Variants in DEUP1 observed in about 807,000 individuals in gnomAD.
DEUP1 encodes the protein coiled-coil domain containing 67.
DEUP1 carries 82 observed loss-of-function variants against 87.4 expected under a neutral mutation model. That is an observed-to-expected ratio of 0.94 (90% CI 0.78 to 1.13). The LOEUF is 1.13. Among genes scored for constraint, DEUP1 ranks in the 50% most tolerant of loss-of-function variants. The pLI, the probability that DEUP1 is intolerant of heterozygous loss-of-function variation, is 0.00. For synonymous variants in DEUP1, 214 were observed against 222.7 expected, an observed-to-expected ratio of 0.96 and a Z score of 0.35; for missense variants, 663 against 681.5, an observed-to-expected ratio of 0.97 and a Z score of 0.30.
At position 93,385,494 on chromosome 11, in the gene DEUP1, GAA is replaced by G. The variant is rs763021209; in HGVS notation, c.887_888del (p.Glu296ValfsTer14). 6.2e-7 allele frequency: 1 copy of G among 1,610,646 alleles called. No individual in the cohort carries two copies. Among genetic ancestry groups the G allele is most frequent in the African/African-American group, 1.3e-5 (1 of 74,872 alleles). On this transcript the variant is annotated frameshift_variant, in exon 8 of 14. Coordinates refer to ENST00000298050, the MANE Select transcript of DEUP1 (RefSeq NM_181645.4). LOFTEE classifies it high-confidence loss of function. ...IEMERLQLHRELLKIGECQNA... is the reference protein window; with the variant it reads ...IEMERLQLHRXLLKIGECQNA... ...AATGGAACGATTGCAATTACACAGAGAATTATTAAAAATAGGAGAGTGCCAAA... is the reference window on the plus strand; with the variant it reads ...AATGGAACGATTGCAATTACACAGAGTTATTAAAAATAGGAGAGTGCCAAA...
At chr11:93,381,872 T>TA (rs1406140395) in intron 7 of DEUP1, among the ~76,000 whole-genome samples, 1 of 152,162 alleles carries the variant, frequency 6.6e-6, no homozygotes, top group Non-Finnish European at 1.5e-5. Flanking sequence ...ATTATCATTC[T>TA]AAAATGTAAT....
chr11:93,420,027 C>T (rs184397291), intron 13 of DEUP1, among the ~76,000 whole-genome samples: 24 of 152,030 alleles, frequency 1.6e-4, no homozygotes, highest in Non-Finnish European at 3.5e-4. Context: ...CCATTCCAAT[C>T]AATAGAAAAA....
At chr11:93,429,206 A>G (rs1214621014) in intron 13 of DEUP1, among the ~76,000 whole-genome samples, 1 of 152,180 alleles carries the variant, frequency 6.6e-6, no homozygotes, top group Non-Finnish European at 1.5e-5. Context: ...AATGCTTAAA[A>G]CCATTAGCTT....
chr11:93,415,641 G>C (rs145231880), intron 13 of DEUP1, among the ~76,000 whole-genome samples: 1,733 of 151,804 alleles, frequency 0.011, 16 homozygotes, highest in Non-Finnish European at 0.016. Flanking sequence ...CTCTACTTCT[G>C]CTTGCTCCCG....
intron 2 of DEUP1, among the ~76,000 whole-genome samples, chr11:93,341,878 C>G (rs1189774913): frequency 2.0e-5 from 3 of 152,168 alleles, no homozygotes; most frequent in African/African-American, 7.2e-5. Flanking sequence ...GGATTGCCCC[C>G]CTCTAGAGGC....
chr11:93,395,637 T>C (rs1193082635), intron 10 of DEUP1, among the ~76,000 whole-genome samples: 3 of 152,144 alleles, frequency 2.0e-5, no homozygotes, highest in Admixed American at 1.3e-4. Flanking sequence ...TGAGCATAAA[T>C]TGGTAATTTA....
intron 4 of DEUP1, among the ~76,000 whole-genome samples, chr11:93,360,951 T>C (rs1244043488): frequency 7.2e-6 from 1 of 138,216 alleles, no homozygotes; most frequent in East Asian, 2.1e-4. Flanking sequence ...AAAAGCTGAG[T>C]GAACTTCAAA....
intron 2 of DEUP1, among the ~76,000 whole-genome samples, chr11:93,334,858 A>ATGAG (rs10639092): frequency 0.84 from 127,412 of 151,668 alleles, 53,578 homozygotes; most frequent in South Asian, 0.9. Context: ...TAATTATAGA[A>ATGAG]TAAGTGATCC....
intron 9 of DEUP1, 105 bp downstream of exon 9, chr11:93,389,230 G>A (rs753778223): frequency 5.8e-6 from 4 of 684,242 alleles, no homozygotes; most frequent in Non-Finnish European, 7.5e-6. Flanking sequence ...TTTTCCTTCT[G>A]TATTTTTTTG....
At chr11:93,344,210 TCTG>T (rs1944219561) in intron 2 of DEUP1, among the ~76,000 whole-genome samples, 1 of 152,274 alleles carries the variant, frequency 6.6e-6, no homozygotes, top group East Asian at 1.9e-4. Context: ...CTCTAGGACT[TCTG>T]CTGGGGGTTC....
chr11:93,354,037 C>T (rs1944765009), intron 2 of DEUP1, among the ~76,000 whole-genome samples: 1 of 152,208 alleles, frequency 6.6e-6, no homozygotes. Flanking sequence ...ACTGCATCAT[C>T]AGGCAGCAAA....
At chr11:93,431,197 G>T (rs1407075514) in intron 13 of DEUP1, among the ~76,000 whole-genome samples, 2 of 152,040 alleles carry the variant, frequency 1.3e-5, no homozygotes, top group East Asian at 3.9e-4. Context: ...ATGAAAGTAT[G>T]GGGGATTACT....
At chr11:93,405,187 G>T (rs1409905000) in intron 11 of DEUP1, among the ~76,000 whole-genome samples, 2 of 151,706 alleles carry the variant, frequency 1.3e-5, no homozygotes, top group Non-Finnish European at 3.0e-5. Flanking sequence ...CAAATTTTGA[G>T]TCTTATTCTC....
chr11:93,377,326 G>T (rs1006904617), intron 7 of DEUP1, among the ~76,000 whole-genome samples: 1 of 152,114 alleles, frequency 6.6e-6, no homozygotes, highest in Non-Finnish European at 1.5e-5. Flanking sequence ...TTAGGATTGT[G>T]ATATTTTCCT....
chr11:93,393,806 T>C (rs1004155303), intron 9 of DEUP1, among the ~76,000 whole-genome samples: 31 of 152,144 alleles, frequency 2.0e-4, no homozygotes, highest in Non-Finnish European at 3.4e-4. Flanking sequence ...GAGGTTGAAA[T>C]AGAATGGACA....
intron 3 of DEUP1, 95 bp from the exon 4 acceptor site, chr11:93,356,853 C>G (rs1470293489): frequency 1.3e-6 from 1 of 744,692 alleles, no homozygotes; most frequent in African/African-American, 1.8e-5. Flanking sequence ...TTTGGTACAG[C>G]CATTTTATTT....
Position 93,363,173 on chromosome 11 carries a change from A to T in DEUP1, c.298-987A>T, listed in dbSNP as rs1945256080. Among the ~76,000 whole-genome samples the T allele has an allele frequency of 2.6e-5, 4 of 152,052 alleles. No individual in the cohort carries two copies. In the South Asian group the frequency reaches 8.3e-4, roughly 31 times the overall value. On this transcript the variant is annotated intron_variant, in intron 4 of 13. Transcript: ENST00000298050. ...TTCTTTTTATAACATTCTCAAAATT[A>T]TAGAGATGGAAAACAAATTAGTGGT...
intron 13 of DEUP1, among the ~76,000 whole-genome samples, chr11:93,435,009 G>A (rs1270634580): frequency 2.6e-5 from 4 of 152,092 alleles, no homozygotes; most frequent in Non-Finnish European, 4.4e-5. Context: ...TACCATGGTC[G>A]TGCCCCCACT....
At chr11:93,343,082 A>T (rs1007267459) in intron 2 of DEUP1, among the ~76,000 whole-genome samples, 3 of 152,230 alleles carry the variant, frequency 2.0e-5, no homozygotes, top group African/African-American at 7.2e-5. Context: ...TTCAACTCAG[A>T]TGCTTAAGCT....
Sources: gnomAD v4.1 joint callset for allele counts (sites outside exome capture counted in the v4.1 genomes callset) on GRCh38, gnomAD v4.1.1 for gene constraint, MANE v1.5 for transcripts, NCBI Gene and HGNC (gene_info 2026-07-23, HGNC 2026-07-21) for gene names.